Variants in PCDHGA9 observed in about 807,000 individuals in gnomAD.
The protein encoded by PCDHGA9 is protocadherin gamma subfamily A, 9, also known as protocadherin gamma-A9.
A neutral mutation model predicts 62.5 loss-of-function variants in PCDHGA9; 37 were observed. That is an observed-to-expected ratio of 0.59 (90% CI 0.46 to 0.78). The LOEUF is 0.78. Ranked by LOEUF, PCDHGA9 falls within the 30% of genes least tolerant of loss-of-function variation. The pLI is 0.00. For synonymous variants in PCDHGA9, 459 were observed against 484.6 expected, an observed-to-expected ratio of 0.95 and a Z score of 0.69; for missense variants, 1,138 against 1,166.2, an observed-to-expected ratio of 0.98 and a Z score of 0.35.
intron 1 of PCDHGA9, chr5:141,409,386 A>C (rs369240403): frequency 1.2e-6 from 2 of 1,613,914 alleles, no homozygotes; most frequent in African/African-American, 2.7e-5. Flanking sequence ...TTCAAGATTT[A>C]TTCTTCTTCC....
intron 1 of PCDHGA9, among the ~76,000 whole-genome samples, chr5:141,447,749 T>G (rs1462661604): frequency 6.6e-6 from 1 of 152,196 alleles, no homozygotes; most frequent in Non-Finnish European, 1.5e-5. Context: ...GAGTCTTGCA[T>G]GTGACTGTAT....
chr5:141,427,391 A>G (rs942653386), intron 1 of PCDHGA9: 3 of 459,818 alleles, frequency 6.5e-6, no homozygotes, highest in Non-Finnish European at 1.3e-5. Context: ...TGTTCAAAAC[A>G]CATGATAAAG....
chr5:141,487,811 A>T lies in PCDHGA9; in HGVS notation c.2425-6996A>T, dbSNP rs1389081995. 2.1e-6 allele frequency: 3 copies of T among 1,414,662 alleles called. No homozygotes were observed. In the African/African-American group the frequency reaches 4.3e-5, roughly 20 times the overall value. 87.6% of individuals were successfully genotyped at this position (1,414,662 alleles called of 1,614,324 possible). A position where few individuals can be genotyped will look rare whatever the true frequency, so the allele number is the denominator to read the frequency against. ...TTAACCAGAGTTGTCACAGTTTAGCATTGGGGGCGGGTCATGCCTATATCT... is the reference window on the plus strand; with the variant it reads ...TTAACCAGAGTTGTCACAGTTTAGCTTTGGGGGCGGGTCATGCCTATATCT... On this transcript the variant is annotated intron_variant, in intron 1 of 3. Transcript: ENST00000573521. The surrounding 1 kb of genome is among the most constrained non-coding windows in gnomAD (Gnocchi z 5.0).
At chr5:141,420,064 C>T (rs1204112062) in intron 1 of PCDHGA9, 1 of 1,614,052 alleles carries the variant, frequency 6.2e-7, no homozygotes, top group Non-Finnish European at 8.5e-7. Context: ...GCTCCAAGTC[C>T]GGACCTGTGG....
Position 141,489,268 on chromosome 5 carries a change from G to T in PCDHGA9, c.2425-5539G>T. On this transcript the variant is annotated intron_variant, in intron 1 of 3. Transcript: ENST00000573521. This position sits in a 1 kb window ranked among gnomAD's most constrained non-coding sequence, Gnocchi z 4.5. The stretch of plus-strand genomic sequence containing the variant: ...GGGGCCCAAGACACTCCCACAGCTC[G>T]CTGGGAAATGGCAAGTGCTGTGCAT... The T allele has an allele frequency of 3.9e-6, 6 of 1,553,284 alleles. No homozygotes were observed. The South Asian group carries it at 5.0e-5, about 13-fold the overall frequency.
At position 141,431,998 on chromosome 5, in the gene PCDHGA9, A is replaced by G. The variant is rs201105272; in HGVS notation, c.2424+26622A>G. The G allele has an allele frequency of 1.2e-6, 2 of 1,614,176 alleles. No homozygotes were observed. Among genetic ancestry groups the G allele is most frequent in the Admixed American group, 1.7e-5 (1 of 60,030 alleles). On this transcript the variant is annotated intron_variant, in intron 1 of 3. Coordinates refer to ENST00000573521, the MANE Select transcript of PCDHGA9 (RefSeq NM_018921.3). This position sits in a 1 kb window ranked among gnomAD's most constrained non-coding sequence, Gnocchi z 4.8. The stretch of plus-strand genomic sequence containing the variant: ...TCACAGACATAGTCTTGGATAGGGA[A>G]CAGGTTCCTAGCTACAACATCACAG...
rs376621545 is a variant in PCDHGA9, at chr5:141,422,143, G to A, written c.2424+16767G>A. The stretch of plus-strand genomic sequence containing the variant: ...ACAAACTGGAGAAGTTCAAGTACGG[G>A]GGTCTCTGGATTTTGAAAAATATAG... On this transcript the variant is annotated intron_variant, in intron 1 of 3. Transcript: ENST00000573521. 36 of 1,583,638 alleles carry A rather than the reference G, an allele frequency of 2.3e-5. No individual in the cohort carries two copies. The African/African-American group carries it at 3.8e-4, about 17-fold the overall frequency.
intron 1 of PCDHGA9, among the ~76,000 whole-genome samples, chr5:141,447,165 G>T (rs1192617600): frequency 6.6e-6 from 1 of 151,842 alleles, no homozygotes; most frequent in African/African-American, 2.4e-5. Flanking sequence ...TTTAAGCGGG[G>T]TCTTGCTCTT....
chr5:141,431,127 T>C lies in PCDHGA9; in HGVS notation c.2424+25751T>C, dbSNP rs1455709617. ...AAAATATATGGAGTAGAAGTAGAAG[T>C]AAGGGACATTAACGACAATGCGCCT... On this transcript the variant is annotated intron_variant, in intron 1 of 3. Transcript: ENST00000573521. This position sits in a 1 kb window ranked among gnomAD's most constrained non-coding sequence, Gnocchi z 4.8. 1 of 1,614,176 alleles carries C rather than the reference T, an allele frequency of 6.2e-7. No individual in the cohort carries two copies. Among genetic ancestry groups the C allele is most frequent in the East Asian group, 2.2e-5 (1 of 44,878 alleles).
In PCDHGA9 at chr5:141,410,786, TTCA is replaced by T. The variant is rs1001093749; in HGVS notation, c.2424+5412_2424+5414del. ...ATTATAGTTTTCACTATGTATTTGG[TTCA>T]TAAGTTGCTCTATCTTTTTGTAAAA... On this transcript the variant is annotated intron_variant, in intron 1 of 3. Transcript: ENST00000573521. 39 of 852,378 alleles carry T rather than the reference TTCA, an allele frequency of 4.6e-5. No homozygotes were observed. In the African/African-American group the frequency reaches 6.2e-4, roughly 13 times the overall value. 52.8% of individuals were successfully genotyped at this position (852,378 alleles called of 1,614,324 possible). A position where few individuals can be genotyped will look rare whatever the true frequency, so the allele number is the denominator to read the frequency against.
Position 141,406,737 on chromosome 5 carries a change from T to C in PCDHGA9, c.2424+1361T>C, listed in dbSNP as rs540886306. 1.1e-4 allele frequency among the ~76,000 whole-genome samples: 16 copies of C among 152,348 alleles called. No homozygotes were observed. The South Asian group carries it at 3.3e-3, about 32-fold the overall frequency. ...AAGAGAAGTTTCTAAGACTGGACAC[T>C]GTGAAATGACAAAACAAGGAATTAA... On this transcript the variant is annotated intron_variant, in intron 1 of 3. Coordinates refer to ENST00000573521, the MANE Select transcript of PCDHGA9 (RefSeq NM_018921.3).
At chr5:141,504,666 G>T (rs2099839952) in intron 2 of PCDHGA9, among the ~76,000 whole-genome samples, 1 of 107,242 alleles carries the variant, frequency 9.3e-6, no homozygotes, top group South Asian at 3.6e-4. Context: ...AGGGCGGGGG[G>T]TGGGGGTTCT....
intron 1 of PCDHGA9, chr5:141,419,425 C>A (rs3749766): frequency 2.5e-6 from 4 of 1,613,316 alleles, no homozygotes; most frequent in Non-Finnish European, 3.4e-6. Context: ...CCTTCGACCA[C>A]GAGCAGCTGC....
rs1219684339 is a variant in PCDHGA9, at chr5:141,506,444, CAAAAAAAAAAA to C, written c.2572+974_2572+984del. Among the ~76,000 whole-genome samples, 33 of 95,024 alleles carry C rather than the reference CAAAAAAAAAAA, an allele frequency of 3.5e-4. No individual in the cohort carries two copies. The East Asian group carries it at 0.011, about 31-fold the overall frequency. The allele number at this position is 95,024 out of a possible 152,430, so 62.3% of individuals were successfully genotyped here. On this transcript the variant is annotated intron_variant, in intron 3 of 3. Coordinates refer to ENST00000573521, the MANE Select transcript of PCDHGA9 (RefSeq NM_018921.3). ...CCTGGGCAACAGTCTCGCTCTGTCTCAAAAAAAAAAAAAAAAAAAAAGAGCACAGGCTTTAG... is the reference window on the plus strand; with the variant it reads ...CCTGGGCAACAGTCTCGCTCTGTCTCAAAAAAAAAAGAGCACAGGCTTTAG...
intron 1 of PCDHGA9, chr5:141,440,464 G>C (rs2003094): frequency 1.3e-5 from 2 of 152,150 alleles, no homozygotes; most frequent in Admixed American, 6.5e-5. Context: ...ATGAACAAAC[G>C]GTAGTTGAAA....
intron 1 of PCDHGA9, chr5:141,433,284 C>T: frequency 8.5e-7 from 1 of 1,176,236 alleles, no homozygotes; most frequent in Non-Finnish European, 1.2e-6. Flanking sequence ...GCCTCAAACT[C>T]CTAGGCTCAA....
intron 1 of PCDHGA9, among the ~76,000 whole-genome samples, chr5:141,447,450 C>G (rs540357899): frequency 1.3e-5 from 2 of 152,082 alleles, no homozygotes; most frequent in African/African-American, 2.4e-5. Context: ...AATTTTTAAC[C>G]TCAGTTTTTC....
chr5:141,472,071 A>T (rs1243864250), intron 1 of PCDHGA9, among the ~76,000 whole-genome samples: 5 of 152,200 alleles, frequency 3.3e-5, no homozygotes, highest in South Asian at 2.1e-4. Context: ...GTCTGTGGTT[A>T]TATCAATGAG....
At position 141,431,776 on chromosome 5, in the gene PCDHGA9, C is replaced by A; in HGVS notation, c.2424+26400C>A. Reference sequence around the variant, plus strand: ...CCAAAGTCCTGATCACTGTTCTGGACGTGAACGACAATGCCCCAGAAGTGG... The same window carrying A: ...CCAAAGTCCTGATCACTGTTCTGGAAGTGAACGACAATGCCCCAGAAGTGG... On this transcript the variant is annotated intron_variant, in intron 1 of 3. Coordinates refer to ENST00000573521, the MANE Select transcript of PCDHGA9 (RefSeq NM_018921.3). The surrounding 1 kb of genome is among the most constrained non-coding windows in gnomAD (Gnocchi z 4.8). The A allele has an allele frequency of 6.2e-7, 1 of 1,614,228 alleles. No homozygotes were observed. The highest frequency in any genetic ancestry group is 8.5e-7 in the Non-Finnish European group (1 of 1,180,044).
Sources: gnomAD v4.1 joint callset for allele counts (sites outside exome capture counted in the v4.1 genomes callset) on GRCh38, gnomAD v4.1.1 for gene constraint, Gnocchi (gnomAD v3.1) non-coding constraint, MANE v1.5 for transcripts, NCBI Gene and HGNC (gene_info 2026-07-23, HGNC 2026-07-21) for gene names.